Variants in NCAM1 observed in about 807,000 individuals in gnomAD.
NCAM1 encodes the protein neural cell adhesion molecule 1, also known as antigen recognized by monoclonal antibody 5.1H11.
A neutral mutation model predicts 109.8 loss-of-function variants in NCAM1; 14 were observed. The ratio of observed to expected loss-of-function variants is 0.13; its 90% confidence interval spans 0.08 to 0.20. NCAM1 has a LOEUF of 0.20. Among genes scored for constraint, NCAM1 ranks in the 10% least tolerant of loss-of-function variants. The pLI, the probability that NCAM1 is intolerant of heterozygous loss-of-function variation, is 1.00. For synonymous variants in NCAM1, 418 were observed against 442.9 expected (o/e 0.94, Z 0.70); for missense variants, 774 against 1,109.9 (o/e 0.70, Z 4.30).
chr11:113,221,897 A>G (rs782740976), intron 9 of NCAM1: 1 of 152,984 alleles, frequency 6.5e-6, no homozygotes, highest in Non-Finnish European at 1.5e-5. Flanking sequence ...AATTTATGAG[A>G]TTAGAATGAT....
At chr11:113,022,658 T>C (rs1021035674) in intron 1 of NCAM1, among the ~76,000 whole-genome samples, 1 of 152,222 alleles carries the variant, frequency 6.6e-6, no homozygotes, top group Non-Finnish European at 1.5e-5. Flanking sequence ...TAATGATGGC[T>C]TCAACAAGTT....
At position 113,231,688 on chromosome 11, in the gene NCAM1, C is replaced by T. The variant is rs868954902; in HGVS notation, c.1133C>T (p.Ser378Leu). ...GTGGTGCGTAGCCATGCCCGTGTGT[C>T]GTCGCTGACCCTGAAGAGCATCCAG... is the stretch of plus-strand genomic sequence containing the variant. ...HMVVRSHARV[S>L]SLTLKSIQYT... is the part of the protein sequence containing the mutation. Residue 378 changes from serine to leucine, a missense_variant, in exon 10 of 20, where the codon TCG becomes TTG. By Grantham distance (145) the Ser-to-Leu change is moderately radical. Around this residue, in one of 4 missense-constraint regions of NCAM1, gnomAD observed 523 missense variants for 784.2 expected, o/e 0.67. Transcript: ENST00000316851. The T allele has an allele frequency of 2.5e-6, 4 of 1,613,712 alleles. No homozygotes were observed. Among genetic ancestry groups the T allele is most frequent in the Middle Eastern group, 1.6e-4 (1 of 6,062 alleles).
intron 1 of NCAM1, among the ~76,000 whole-genome samples, chr11:113,094,404 T>G (rs1473397764): frequency 2.6e-5 from 4 of 152,194 alleles, no homozygotes; most frequent in Non-Finnish European, 4.4e-5. Context: ...TTGTACACCT[T>G]CACATAGCTG....
intron 1 of NCAM1, among the ~76,000 whole-genome samples, chr11:113,017,916 C>A (rs1322269210): frequency 6.6e-6 from 1 of 152,040 alleles, no homozygotes; most frequent in Non-Finnish European, 1.5e-5. Flanking sequence ...AACAGGATTC[C>A]TTTGATTCCT....
chr11:113,072,822 T>A (rs1302404952), intron 1 of NCAM1, among the ~76,000 whole-genome samples: 1 of 58,590 alleles, frequency 1.7e-5, no homozygotes, highest in Admixed American at 2.1e-4. Flanking sequence ...CATTGTTTTT[T>A]ATTTTTTTTT....
intron 14 of NCAM1, among the ~76,000 whole-genome samples, chr11:113,235,699 C>G (rs1408861646): frequency 2.6e-5 from 4 of 152,218 alleles, no homozygotes; most frequent in Non-Finnish European, 5.9e-5. Context: ...CTGGCCTTGG[C>G]CTTTTCTGCT....
intron 1 of NCAM1, among the ~76,000 whole-genome samples, chr11:113,150,979 G>A (rs1243783721): frequency 2.0e-5 from 3 of 152,172 alleles, no homozygotes; most frequent in African/African-American, 7.2e-5. Flanking sequence ...GACCTCGAAT[G>A]CCTGGCTAAT....
chr11:112,961,452 C>G lies in NCAM1; in HGVS notation c.-161C>G, dbSNP rs781791930. 1.3e-6 allele frequency: 1 copy of G among 770,910 alleles called. No individual in the cohort carries two copies. The highest frequency in any genetic ancestry group is 2.4e-6 in the Non-Finnish European group (1 of 414,990). 47.8% of individuals were successfully genotyped at this position (770,910 alleles called of 1,614,324 possible). On this transcript the variant is annotated 5_prime_UTR_variant, in exon 1 of 20. Coordinates refer to ENST00000316851, the MANE Select transcript of NCAM1 (RefSeq NM_181351.5). ...CTCCGATCAGCGCGTGAACGCAGCT[C>G]GGCTGCCGCTGGCAGGAAACAATTC...
At chr11:113,124,576 T>A (rs1222800887) in intron 1 of NCAM1, among the ~76,000 whole-genome samples, 1 of 152,232 alleles carries the variant, frequency 6.6e-6, no homozygotes, top group East Asian at 1.9e-4. Context: ...CTTTTAGTCT[T>A]GCGGTTCATT....
At chr11:113,116,244 T>G (rs1247606127) in intron 1 of NCAM1, among the ~76,000 whole-genome samples, 3 of 152,258 alleles carry the variant, frequency 2.0e-5, no homozygotes, top group African/African-American at 7.2e-5. Context: ...TCTAAAACTA[T>G]TTGTTGCTTG....
At chr11:113,049,316 G>C (rs1187277237) in intron 1 of NCAM1, among the ~76,000 whole-genome samples, 1 of 151,980 alleles carries the variant, frequency 6.6e-6, no homozygotes, top group Non-Finnish European at 1.5e-5. Context: ...GATTCATCCC[G>C]GGCCTGATTC....
intron 1 of NCAM1, among the ~76,000 whole-genome samples, chr11:113,084,155 C>T (rs1193744508): frequency 3.9e-5 from 6 of 152,258 alleles, no homozygotes; most frequent in Non-Finnish European, 7.4e-5. Context: ...ATCAAGGCCC[C>T]TACTAATGAG....
intron 1 of NCAM1, among the ~76,000 whole-genome samples, chr11:113,185,386 AC>A (rs1430547807): frequency 6.6e-6 from 1 of 152,156 alleles, no homozygotes; most frequent in African/African-American, 2.4e-5. Flanking sequence ...GATGAGGCAC[AC>A]CCACATTGGG....
chr11:113,088,866 A>G (rs1407998596), intron 1 of NCAM1, among the ~76,000 whole-genome samples: 1 of 152,184 alleles, frequency 6.6e-6, no homozygotes, highest in Non-Finnish European at 1.5e-5. Context: ...CTGGAGTTTA[A>G]TGGCAGTGTT....
intron 1 of NCAM1, among the ~76,000 whole-genome samples, chr11:113,086,361 C>A (rs1555088306): frequency 6.6e-6 from 1 of 152,144 alleles, no homozygotes; most frequent in East Asian, 1.9e-4. Flanking sequence ...CTAAAAGACC[C>A]CTCAGACTCC....
intron 1 of NCAM1, among the ~76,000 whole-genome samples, chr11:113,098,553 C>T (rs1939714659): frequency 6.6e-6 from 1 of 151,544 alleles, no homozygotes; most frequent in Non-Finnish European, 1.5e-5. Flanking sequence ...AGAAAGGTAA[C>T]CTCAGATATA....
At chr11:113,238,050 TA>T (rs1945227247) in intron 14 of NCAM1, among the ~76,000 whole-genome samples, 1 of 151,690 alleles carries the variant, frequency 6.6e-6, no homozygotes, top group African/African-American at 2.4e-5. Flanking sequence ...AATTTTAAAT[TA>T]AAATTTAGAT....
At chr11:113,143,080 G>A (rs545906696) in intron 1 of NCAM1, among the ~76,000 whole-genome samples, 1 of 152,062 alleles carries the variant, frequency 6.6e-6, no homozygotes, top group Admixed American at 6.5e-5. Context: ...AAGGTCATTC[G>A]CCTACATAAC....
intron 17 of NCAM1, chr11:113,263,439 C>T (rs911532933): frequency 3.1e-5 from 31 of 986,316 alleles, no homozygotes; most frequent in Non-Finnish European, 3.5e-5. Context: ...AGAGCCAGAC[C>T]GCACTGATTC....
Sources: gnomAD v4.1 joint callset for allele counts (sites outside exome capture counted in the v4.1 genomes callset) on GRCh38, gnomAD v4.1.1 for gene constraint, gnomAD v4.1.1 regional missense constraint, MANE v1.5 for transcripts, NCBI Gene and HGNC (gene_info 2026-07-23, HGNC 2026-07-21) for gene names.